ANK2: variants seen among roughly 807,000 people sequenced by gnomAD.
The protein encoded by ANK2 is ankyrin 2, also known as ankyrin-2.
ANK2 carries 83 observed loss-of-function variants against 360.5 expected under a neutral mutation model. The observed-to-expected ratio is 0.23, with a 90% CI of 0.19 to 0.28. The LOEUF is 0.28. Among genes scored for constraint, ANK2 ranks in the 10% least tolerant of loss-of-function variants. ANK2 has a pLI of 1.00. For synonymous variants in ANK2, 1,740 were observed against 1,759.5 expected, an observed-to-expected ratio of 0.99 and a Z score of 0.28; for missense variants, 4,201 against 4,795.7, an observed-to-expected ratio of 0.88 and a Z score of 3.66.
At chr4:112,898,650 A>G (rs1174504150) in intron 1 of ANK2, among the ~76,000 whole-genome samples, 1 of 152,106 alleles carries the variant, frequency 6.6e-6, no homozygotes, top group Admixed American at 6.6e-5. Context: ...TAAAAATTCT[A>G]GATTCCATAT....
At position 113,341,786 on chromosome 4, in the gene ANK2, T is replaced by C; in HGVS notation, c.3992T>C (p.Val1331Ala). The C allele has an allele frequency of 6.2e-7, 1 of 1,614,120 alleles. No homozygotes were observed. The highest frequency in any genetic ancestry group is 8.5e-7 in the Non-Finnish European group (1 of 1,179,976). ...TGCGTACCTTATATGGCCAAATTTG[T>C]AGTGTTTGCCAAATCACATGACCCC... ...IICVPYMAKF[V>A]VFAKSHDPIE... The change falls in exon 33 of 46, where the codon GTA becomes GCA. Residue 1331 changes from valine (V) to alanine (A), a missense_variant. Val to Ala is a moderately conservative substitution (Grantham distance 64). This residue lies in a region of ANK2 where 1,268 missense variants were observed against 1,650.8 expected (regional missense o/e 0.77). Coordinates refer to ENST00000357077, the MANE Select transcript of ANK2 (RefSeq NM_001148.6).
At position 113,353,860 on chromosome 4, in the gene ANK2, C is replaced by G; in HGVS notation, c.5242C>G (p.Leu1748Val). 2 of 1,614,006 alleles carry G rather than the reference C, an allele frequency of 1.2e-6. No individual in the cohort carries two copies. Among genetic ancestry groups the G allele is most frequent in the Admixed American group, 1.7e-5 (1 of 59,998 alleles). The change falls in exon 38 of 46, where the codon CTT (leucine) becomes GTT (valine). Residue 1748 changes from leucine (L) to valine (V), a missense_variant. Physicochemically the swap from Leu to Val is conservative, Grantham distance 32. Transcript: ENST00000357077. ...AGACCCAGGTTTAGCCCCTGAACCC[C>G]TTCCCACTGTCAAGGCCACATCTCC... is the stretch of plus-strand genomic sequence containing the variant. ...GEDPGLAPEP[L>V]PTVKATSPLI...
At chr4:112,924,702 C>A (rs1358396686) in intron 2 of ANK2, among the ~76,000 whole-genome samples, 1 of 151,800 alleles carries the variant, frequency 6.6e-6, no homozygotes, top group African/African-American at 2.4e-5. Context: ...ATCTAACATG[C>A]TCTCAACTAT....
At chr4:113,151,260 TG>T in intron 1 of ANK2, 1 of 663,562 alleles carries the variant, frequency 1.5e-6, no homozygotes, top group Non-Finnish European at 2.2e-6. Context: ...GTAGTTCATT[TG>T]TGTAGCTACA....
At chr4:112,793,452 A>T in the ANK2 span, among the ~76,000 whole-genome samples, 2 of 152,246 alleles carry the variant, frequency 1.3e-5, no homozygotes, top group Admixed American at 1.3e-4. Context: ...ATAATTTAGA[A>T]AAGTAGTAAT....
intron 1 of ANK2, among the ~76,000 whole-genome samples, chr4:113,090,443 A>G (rs2087300431): frequency 6.6e-6 from 1 of 152,180 alleles, no homozygotes; most frequent in Admixed American, 6.5e-5. Flanking sequence ...TTAGAACTTT[A>G]CTTAGGAAGA....
intron 2 of ANK2, among the ~76,000 whole-genome samples, chr4:113,032,230 A>T (rs936718074): frequency 3.3e-5 from 5 of 152,102 alleles, no homozygotes; most frequent in African/African-American, 1.2e-4. Context: ...AAAGAGATAT[A>T]GAATGTTTTG....
chr4:113,358,938 C>T lies in ANK2; in HGVS notation c.10320C>T (p.Ser3440=). The change falls in exon 38 of 46, where the codon TCC becomes TCT. Residue 3440 remains serine, a synonymous_variant. Transcript: ENST00000357077. ...CCACAAGACCAAAGATACTTACATC[C>T]CGATTGCCAGTTAAGAGCAGAAGCA... The part of the protein sequence containing the change: ...EGATRPKILT[S]RLPVKSRSTT... 6.2e-7 allele frequency: 1 copy of T among 1,613,880 alleles called. No homozygotes were observed. Among genetic ancestry groups the T allele is most frequent in the South Asian group, 1.1e-5 (1 of 91,064 alleles).
intron 1 of ANK2, among the ~76,000 whole-genome samples, chr4:113,110,046 G>A (rs753466367): frequency 2.1e-4 from 32 of 152,162 alleles, no homozygotes; most frequent in Non-Finnish European, 4.3e-4. Context: ...GCTGTTATTA[G>A]TCCGTTCTCA....
At position 112,942,247 on chromosome 4, in the gene ANK2, G is replaced by C. The variant is rs554563023; in HGVS notation, c.21+37733G>C. On this transcript the variant is annotated intron_variant, in intron 2 of 30. Coordinates refer to the ANK2 transcript ENST00000503271. Reference sequence around the variant, plus strand: ...GCAATTAATTAATTATCTGTTTGAGGGTTGTCTTTTCCAGTAAGCTGAAAG... The same window carrying C: ...GCAATTAATTAATTATCTGTTTGAGCGTTGTCTTTTCCAGTAAGCTGAAAG... Among the ~76,000 whole-genome samples, 21 of 152,078 alleles carry C rather than the reference G, an allele frequency of 1.4e-4. No individual in the cohort carries two copies. The South Asian group carries it at 3.7e-3, about 27-fold the overall frequency.
intron 1 of ANK2, among the ~76,000 whole-genome samples, chr4:113,140,064 G>C (rs1457768833): frequency 6.6e-6 from 1 of 151,992 alleles, no homozygotes; most frequent in Non-Finnish European, 1.5e-5. Flanking sequence ...TTATAAACAG[G>C]GCCAATTTGT....
At chr4:112,846,386 A>G (rs894826973) in intron 1 of ANK2, among the ~76,000 whole-genome samples, 2 of 152,162 alleles carry the variant, frequency 1.3e-5, no homozygotes, top group African/African-American at 4.8e-5. Context: ...GCTAGCTAGG[A>G]TTACAGACAT....
chr4:113,178,294 G>A (rs112527853), intron 2 of ANK2, among the ~76,000 whole-genome samples: 1 of 152,030 alleles, frequency 6.6e-6, no homozygotes, highest in East Asian at 1.9e-4. Context: ...CAGGCCAGGC[G>A]CAGTGGCTCA....
intron 2 of ANK2, among the ~76,000 whole-genome samples, chr4:112,931,248 G>A (rs1043984068): frequency 1.3e-5 from 2 of 151,984 alleles, no homozygotes; most frequent in East Asian, 1.9e-4. Flanking sequence ...CGTGGAGACC[G>A]GAGTCTTAGT....
At chr4:113,348,457 CT>C in intron 36 of ANK2, 149 bp downstream of exon 36, 1 of 804,070 alleles carries the variant, frequency 1.2e-6, no homozygotes, top group South Asian at 1.5e-5. Flanking sequence ...CTCTAAGCCT[CT>C]GTTTTCTCAT....
intron 26 of ANK2, among the ~76,000 whole-genome samples, chr4:113,318,858 G>T (rs994288023): frequency 6.6e-5 from 10 of 152,142 alleles, no homozygotes; most frequent in African/African-American, 2.4e-4. Context: ...ACAACTAGTA[G>T]AATTGCGTCA....
At chr4:113,091,161 T>C (rs1213874931) in intron 1 of ANK2, among the ~76,000 whole-genome samples, 2 of 152,342 alleles carry the variant, frequency 1.3e-5, no homozygotes, top group East Asian at 3.9e-4. Flanking sequence ...GCAGTAATAC[T>C]TCAGCACAGA....
intron 2 of ANK2, among the ~76,000 whole-genome samples, chr4:112,969,278 C>A (rs549111725): frequency 1.3e-5 from 2 of 152,212 alleles, no homozygotes; most frequent in Non-Finnish European, 2.9e-5. Context: ...TCCCTGAACA[C>A]TCTTTTTCCT....
intron 1 of ANK2, among the ~76,000 whole-genome samples, chr4:113,079,533 C>A (rs564664147): frequency 2.0e-4 from 31 of 152,316 alleles, no homozygotes; most frequent in African/African-American, 7.2e-4. Context: ...GGTCAGGGAA[C>A]ATGACTTATG....
Sources: gnomAD v4.1 joint callset for allele counts (sites outside exome capture counted in the v4.1 genomes callset) on GRCh38, gnomAD v4.1.1 for gene constraint, gnomAD v4.1.1 regional missense constraint, MANE v1.5 for transcripts, NCBI Gene and HGNC (gene_info 2026-07-23, HGNC 2026-07-21) for gene names.